The following CDH22 variants were observed in gnomAD, a reference collection of about 807,000 sequenced individuals.
CDH22 encodes cadherin 22.
In CDH22, 30 loss-of-function variants were observed where a neutral mutation model predicts 58.4. The observed-to-expected ratio is 0.51, with a 90% CI of 0.38 to 0.70. The LOEUF (loss-of-function observed/expected upper bound fraction) is 0.70. Ranked by LOEUF, CDH22 falls within the 30% of genes least tolerant of loss-of-function variation. The pLI is 0.00. For missense variants in CDH22, 1,014 were observed against 1,233.9 expected (o/e 0.82, Z 2.67); for synonymous variants, 513 against 558.2 (o/e 0.92, Z 1.14).
In CDH22 at chr20:46,300,042, T is replaced by C. The variant is rs1266260588; in HGVS notation, c.-400+8213A>G. Among the ~76,000 whole-genome samples the C allele has an allele frequency of 1.3e-5, 2 of 152,208 alleles. No individual in the cohort carries two copies. Among genetic ancestry groups the C allele is most frequent in the Non-Finnish European group, 2.9e-5 (2 of 68,042 alleles). On this transcript the variant is annotated intron_variant, in intron 1 of 11. Coordinates refer to ENST00000537909, the MANE Select transcript of CDH22 (RefSeq NM_021248.3). This position sits in a 1 kb window ranked among gnomAD's most constrained non-coding sequence, Gnocchi z 4.4. ...TGAGCTAGGGGCAAAGGATTCAGTC[T>C]GCTCTGAGACACCATAGGGCCCTGG... is the stretch of plus-strand genomic sequence containing the variant.
chr20:46,304,072 C>T (rs527260607), intron 1 of CDH22, among the ~76,000 whole-genome samples: 1 of 152,192 alleles, frequency 6.6e-6, no homozygotes, highest in South Asian at 2.1e-4. Flanking sequence ...GAACATGTTC[C>T]CACACTGCCG....
At chr20:46,227,679 G>T (rs749850211) in intron 3 of CDH22, 52 bp from the exon 4 acceptor site, 71 of 1,561,728 alleles carry the variant, frequency 4.5e-5, no homozygotes, top group Non-Finnish European at 6.0e-5. Context: ...TGCGGAGCTC[G>T]TTCCCCCACT....
At chr20:46,262,233 G>T (rs1019347115) in intron 1 of CDH22, among the ~76,000 whole-genome samples, 3 of 151,256 alleles carry the variant, frequency 2.0e-5, no homozygotes, top group Admixed American at 2.0e-4. Context: ...GGGGTGGGGG[G>T]TGGTGGAGTG....
chr20:46,204,943 CTGTG>C (rs1568657624), intron 7 of CDH22, among the ~76,000 whole-genome samples: 1 of 152,106 alleles, frequency 6.6e-6, no homozygotes, highest in Non-Finnish European at 1.5e-5. Flanking sequence ...TCTGGTGTGC[CTGTG>C]TGTGAGTGCA....
intron 1 of CDH22, among the ~76,000 whole-genome samples, chr20:46,257,094 G>A (rs1414923344): frequency 2.6e-5 from 4 of 151,620 alleles, no homozygotes; most frequent in African/African-American, 9.7e-5. Flanking sequence ...GATCATTTGA[G>A]CCCAGGAGTT....
At chr20:46,253,599 G>A (rs1183164801) in intron 1 of CDH22, among the ~76,000 whole-genome samples, 1 of 152,178 alleles carries the variant, frequency 6.6e-6, no homozygotes, top group Non-Finnish European at 1.5e-5. Context: ...GCTCTGTGCT[G>A]CCACCTCCAG....
chr20:46,240,160 T>G (rs1290745304), intron 3 of CDH22, among the ~76,000 whole-genome samples: 1 of 152,082 alleles, frequency 6.6e-6, no homozygotes, highest in Non-Finnish European at 1.5e-5. Context: ...CAGAGCTGCC[T>G]GTCTCATTCA....
chr20:46,182,081 G>A (rs138109032), intron 10 of CDH22, among the ~76,000 whole-genome samples: 1 of 152,112 alleles, frequency 6.6e-6, no homozygotes, highest in African/African-American at 2.4e-5. Flanking sequence ...GCCTCCCAAA[G>A]TGCCATGATT....
At chr20:46,188,588 G>A (rs2085842707) in intron 8 of CDH22, among the ~76,000 whole-genome samples, 1 of 152,208 alleles carries the variant, frequency 6.6e-6, no homozygotes, top group Non-Finnish European at 1.5e-5. Flanking sequence ...GAAACTGTGT[G>A]TACAACACGT....
chr20:46,213,579 C>T (rs959773750), intron 5 of CDH22, among the ~76,000 whole-genome samples: 2 of 152,146 alleles, frequency 1.3e-5, no homozygotes, highest in Non-Finnish European at 2.9e-5. Context: ...AAATAAATAA[C>T]GATGGTGCCT....
At position 46,226,258 on chromosome 20, in the gene CDH22, TCTTCTTCTTCTTCTTCTTCTTCTTC is replaced by T. The variant is rs1568665229; in HGVS notation, c.670+1225_670+1249del. Among the ~76,000 whole-genome samples the T allele has an allele frequency of 2.3e-4, 17 of 75,114 alleles. 1 individual carries two copies. The highest frequency in any genetic ancestry group is 2.6e-4 in the Non-Finnish European group (8 of 30,242). 49.3% of individuals were successfully genotyped at this position (75,114 alleles called of 152,430 possible). On this transcript the variant is annotated intron_variant, in intron 4 of 11. Coordinates refer to ENST00000537909, the MANE Select transcript of CDH22 (RefSeq NM_021248.3). The stretch of plus-strand genomic sequence containing the variant: ...TTCTTCTTCTTCTTCTTCTTCTTCT[TCTTCTTCTTCTTCTTCTTCTTCTTC>T]TTCTTCTTCTTTTTTTTTTTGAGAC...
intron 3 of CDH22, among the ~76,000 whole-genome samples, chr20:46,234,472 G>T (rs770042407): frequency 3.9e-5 from 6 of 152,220 alleles, no homozygotes; most frequent in Non-Finnish European, 7.3e-5. Context: ...AAGGGAAATA[G>T]CTCTGTGAAA....
At chr20:46,181,609 T>TTCTCTCCCTCCC (rs2085784487) in intron 10 of CDH22, among the ~76,000 whole-genome samples, 1 of 142,622 alleles carries the variant, frequency 7.0e-6, no homozygotes, top group Admixed American at 7.0e-5. Flanking sequence ...CCTTCCTTCC[T>TTCTCTCCCTCCC]TCCCTCCCTC....
intron 3 of CDH22, among the ~76,000 whole-genome samples, chr20:46,230,894 C>G (rs767162168): frequency 1.1e-4 from 16 of 152,194 alleles, no homozygotes; most frequent in Non-Finnish European, 1.9e-4. Flanking sequence ...AGGAGAGAGG[C>G]AGGTTTCAAA....
chr20:46,268,620 C>T (rs2086473253), intron 1 of CDH22, among the ~76,000 whole-genome samples: 1 of 152,206 alleles, frequency 6.6e-6, no homozygotes, highest in African/African-American at 2.4e-5. Flanking sequence ...AGGGAGGCTT[C>T]AGGCTGGAGC....
At chr20:46,194,567 CCTGA>C (rs1285025500) in intron 8 of CDH22, among the ~76,000 whole-genome samples, 8 of 152,188 alleles carry the variant, frequency 5.3e-5, no homozygotes, top group Non-Finnish European at 1.0e-4. Flanking sequence ...AGATTCTCTC[CCTGA>C]CTATTAAGAG....
intron 5 of CDH22, among the ~76,000 whole-genome samples, chr20:46,214,370 A>C (rs1049756485): frequency 6.6e-6 from 1 of 152,098 alleles, no homozygotes; most frequent in African/African-American, 2.4e-5. Flanking sequence ...AGGTCTTGGT[A>C]ACCCTTGCGT....
intron 10 of CDH22, among the ~76,000 whole-genome samples, chr20:46,178,713 C>T (rs1289302969): frequency 6.7e-6 from 1 of 150,118 alleles, no homozygotes; most frequent in Non-Finnish European, 1.5e-5. Context: ...GTTTGTTGGG[C>T]CCTGACAAGT....
chr20:46,283,010 C>A (rs1221948316), intron 1 of CDH22, among the ~76,000 whole-genome samples: 1 of 152,216 alleles, frequency 6.6e-6, no homozygotes, highest in East Asian at 1.9e-4. Flanking sequence ...CTTCCACAGA[C>A]TCTGTGCAGC....
Sources: allele counts gnomAD v4.1 joint callset (sites outside exome capture counted in the v4.1 genomes callset), GRCh38; gene constraint gnomAD v4.1.1; non-coding constraint Gnocchi (gnomAD v3.1); transcripts MANE v1.5; gene names NCBI Gene and HGNC (gene_info 2026-07-23, HGNC 2026-07-21).